The following MSMO1 variants were observed in gnomAD, a reference collection of about 807,000 sequenced individuals.
MSMO1 encodes the protein methylsterol monooxygenase 1.
A neutral mutation model predicts 30.4 loss-of-function variants in MSMO1; 18 were observed. The ratio of observed to expected loss-of-function variants is 0.59; its 90% confidence interval spans 0.41 to 0.88. MSMO1 has a LOEUF of 0.88. Among genes scored for constraint, MSMO1 ranks in the 40% least tolerant of loss-of-function variants. The pLI is 0.00. For missense variants in MSMO1, 284 were observed against 340.5 expected, an observed-to-expected ratio of 0.83 and a Z score of 1.31; for synonymous variants, 84 against 107.9, an observed-to-expected ratio of 0.78 and a Z score of 1.37.
Position 165,333,409 on chromosome 4 carries a change from A to G in MSMO1, c.39A>G (p.Ala13=). The G allele has an allele frequency of 3.7e-6, 6 of 1,612,108 alleles. No homozygotes were observed. The highest frequency in any genetic ancestry group is 4.2e-6 in the Non-Finnish European group (5 of 1,179,794). The part of the protein sequence containing the change: ...TNESVSIFSS[A]SLAVEYVDSL... ...AAAGTGTCAGCATCTTTAGTTCAGC[A>G]TCCTTGGCTGTGGAATATGTAGATT... The change falls in exon 2 of 6, where the codon GCA becomes GCG. Residue 13 remains alanine, a synonymous_variant. Transcript: ENST00000261507.
intron 1 of MSMO1, among the ~76,000 whole-genome samples, chr4:165,328,815 C>T (rs990714571): frequency 6.6e-6 from 1 of 152,210 alleles, no homozygotes; most frequent in Non-Finnish European, 1.5e-5. Context: ...GTTAACTAAA[C>T]CAAGTGTTTC....
In MSMO1 at chr4:165,334,807, G is replaced by C. The variant is rs981796772; in HGVS notation, c.255+1182G>C. Among the ~76,000 whole-genome samples, 3 of 152,312 alleles carry C rather than the reference G, an allele frequency of 2.0e-5. No homozygotes were observed. In the South Asian group the frequency reaches 6.2e-4, roughly 32 times the overall value. On this transcript the variant is annotated intron_variant, in intron 2 of 5. Coordinates refer to ENST00000261507, the MANE Select transcript of MSMO1 (RefSeq NM_006745.5). ...AACTCAGGGGCACACAGTCTTGGTA[G>C]AAAGTAGACCATTGAGAGTATTCAT...
chr4:165,335,155 C>G (rs959031735), intron 2 of MSMO1, among the ~76,000 whole-genome samples: 1 of 152,016 alleles, frequency 6.6e-6, no homozygotes, highest in Admixed American at 6.6e-5. Flanking sequence ...GCAGAAAGTC[C>G]CAGAACCAAT....
intron 5 of MSMO1, among the ~76,000 whole-genome samples, chr4:165,341,069 GC>G (rs780782648): frequency 8.0e-5 from 12 of 150,414 alleles, no homozygotes; most frequent in African/African-American, 2.7e-4. Flanking sequence ...GTTTCTTTCT[GC>G]CTTCCTTCCT....
chr4:165,333,384 A>G lies in MSMO1; in HGVS notation c.14A>G (p.Glu5Gly), dbSNP rs1395996221. Residue 5 changes from glutamate (E) to glycine (G), a missense_variant, in exon 2 of 6, where the codon GAA becomes GGA. Coordinates refer to ENST00000261507, the MANE Select transcript of MSMO1 (RefSeq NM_006745.5). ...GAGATTTGAAAAATGGCAACAAATG[A>G]AAGTGTCAGCATCTTTAGTTCAGCA... MATN[E>G]SVSIFSSASL... The G allele has an allele frequency of 1.2e-6, 2 of 1,611,818 alleles. No homozygotes were observed. Among genetic ancestry groups the G allele is most frequent in the Non-Finnish European group, 1.7e-6 (2 of 1,179,778 alleles).
chr4:165,330,849 C>T (rs1403712968), intron 1 of MSMO1, among the ~76,000 whole-genome samples: 1 of 152,188 alleles, frequency 6.6e-6, no homozygotes, highest in Non-Finnish European at 1.5e-5. Flanking sequence ...ATCAGCCTCC[C>T]CAAGGTGCTG....
chr4:165,333,194 T>A, intron 1 of MSMO1, 146 bp from the exon 2 acceptor site: 1 of 563,336 alleles, frequency 1.8e-6, no homozygotes, highest in Non-Finnish European at 3.0e-6. Context: ...TAAAACCATT[T>A]GTACTCCTTT....
rs1392578159 is a variant in MSMO1 at position 165,333,718 on chromosome 4, T to A, written c.255+93T>A. 3 of 1,287,294 alleles carry A rather than the reference T, an allele frequency of 2.3e-6. No individual in the cohort carries two copies. In the East Asian group the frequency reaches 7.2e-5, roughly 31 times the overall value. The allele number at this position is 1,287,294 out of a possible 1,614,324, so 79.7% of individuals were successfully genotyped here. A position where few individuals can be genotyped will look rare whatever the true frequency, so the allele number is the denominator to read the frequency against. ...GCTTTGTTTTGTGAGGCTAAAGCAG[T>A]GATATCCAATAGAAATATGAAGCCA... On this transcript the variant is annotated intron_variant, in intron 2 of 5. Transcript: ENST00000261507.
At chr4:165,341,404 G>A (rs1747711395) in intron 5 of MSMO1, among the ~76,000 whole-genome samples, 1 of 152,126 alleles carries the variant, frequency 6.6e-6, no homozygotes, top group Admixed American at 6.5e-5. Context: ...ATTTACAACT[G>A]TTATACATGA....
At chr4:165,338,306 GTATATATA>G (rs72119405) in intron 3 of MSMO1, among the ~76,000 whole-genome samples, 15 of 83,330 alleles carry the variant, frequency 1.8e-4, no homozygotes, top group African/African-American at 8.2e-4. Flanking sequence ...ATATGTATGT[GTATATATA>G]TATATATATA....
At chr4:165,331,240 G>A (rs994361816) in intron 1 of MSMO1, among the ~76,000 whole-genome samples, 3 of 151,818 alleles carry the variant, frequency 2.0e-5, no homozygotes, top group Non-Finnish European at 4.4e-5. Flanking sequence ...GGAGGTCGAG[G>A]CTGCAATGAG....
intron 1 of MSMO1, among the ~76,000 whole-genome samples, chr4:165,332,959 T>G (rs2126618794): frequency 6.6e-6 from 1 of 152,304 alleles, no homozygotes; most frequent in East Asian, 1.9e-4. Flanking sequence ...GGCTTTTTCT[T>G]TATAGGTTCT....
chr4:165,335,351 A>G (rs1219030055), intron 2 of MSMO1, among the ~76,000 whole-genome samples: 1 of 152,126 alleles, frequency 6.6e-6, no homozygotes, highest in Non-Finnish European at 1.5e-5. Context: ...AGGAGAAAAG[A>G]GCAAAGGGTA....
chr4:165,332,914 G>A (rs1268975783), intron 1 of MSMO1, among the ~76,000 whole-genome samples: 1 of 152,090 alleles, frequency 6.6e-6, no homozygotes, highest in Non-Finnish European at 1.5e-5. Flanking sequence ...TTCCCCAGTA[G>A]GAGGTACTTA....
At chr4:165,340,059 C>A (rs567529519) in intron 4 of MSMO1, among the ~76,000 whole-genome samples, 162 bp from the exon 5 acceptor site, 1 of 152,312 alleles carries the variant, frequency 6.6e-6, no homozygotes, top group East Asian at 1.9e-4. Flanking sequence ...TTTACTCAGT[C>A]TACTGATTTA....
intron 2 of MSMO1, among the ~76,000 whole-genome samples, chr4:165,336,592 G>A (rs1157565188): frequency 5.9e-5 from 9 of 152,198 alleles, no homozygotes; most frequent in Admixed American, 5.9e-4. Flanking sequence ...GCCAACTGAA[G>A]CCTGAATCCT....
chr4:165,337,800 G>T lies in MSMO1; in HGVS notation c.267G>T (p.Glu89Asp). The T allele has an allele frequency of 6.2e-7, 1 of 1,613,662 alleles. No homozygotes were observed. The change falls in exon 3 of 6, where the codon GAG (glutamate) becomes GAT (aspartate). Residue 89 changes from glutamate to aspartate, a missense_variant. Glu to Asp is a conservative substitution (Grantham distance 45, BLOSUM62 2). Transcript: ENST00000261507. ...KKYKIQKDKP[E>D]TWENQWKCFK... ...ATTTTTCTTCGTAGGATAAGCCAGAGACATGGGAAAACCAATGGAAGTGTT... is the reference window on the plus strand; with the variant it reads ...ATTTTTCTTCGTAGGATAAGCCAGATACATGGGAAAACCAATGGAAGTGTT...
At chr4:165,337,736 G>A in intron 2 of MSMO1, 53 bp from the exon 3 acceptor site, 1 of 1,582,994 alleles carries the variant, frequency 6.3e-7, no homozygotes, top group Non-Finnish European at 8.7e-7. Flanking sequence ...ATTAGGTCAA[G>A]TTAAACTCTG....
intron 1 of MSMO1, chr4:165,328,153 G>C (rs1747291442): frequency 1.3e-5 from 2 of 152,442 alleles, no homozygotes; most frequent in East Asian, 3.9e-4. Flanking sequence ...GGAGTAGTGG[G>C]GTTGGGAAGG....
Sources: allele counts gnomAD v4.1 joint callset (sites outside exome capture counted in the v4.1 genomes callset), GRCh38; gene constraint gnomAD v4.1.1; transcripts MANE v1.5; gene names NCBI Gene and HGNC (gene_info 2026-07-23, HGNC 2026-07-21).